PKD2: variants seen among roughly 807,000 people sequenced by gnomAD.
PKD2 encodes polycystin-2.
In PKD2, 48 loss-of-function variants were observed where a neutral mutation model predicts 105.9. The observed-to-expected ratio is 0.45, with a 90% CI of 0.36 to 0.58. The LOEUF (loss-of-function observed/expected upper bound fraction) is 0.58, where lower values mean the gene tolerates loss of function less well. Ranked by LOEUF, PKD2 falls within the 20% of genes least tolerant of loss-of-function variation. The probability of loss-of-function intolerance (pLI) is 0.00; values close to 1 mark genes in which losing one functional copy is unlikely to be tolerated. For synonymous variants in PKD2, 464 were observed against 481.1 expected (o/e 0.96, Z 0.46); for missense variants, 1,078 against 1,255.3 (o/e 0.86, Z 2.13).
rs151313332 is a variant in PKD2 at position 88,015,030 on chromosome 4, C to T, written c.596-4428C>T. 6.0e-4 allele frequency among the ~76,000 whole-genome samples: 91 copies of T among 152,310 alleles called. No individual in the cohort carries two copies. The East Asian group carries it at 0.015, about 25-fold the overall frequency. On this transcript the variant is annotated intron_variant, in intron 1 of 14. Transcript: ENST00000237596. ...CATTTGACTCCAGAGCCCTATGTTG[C>T]ACCATGCCTTGATAATAGGCCATAT... is the stretch of plus-strand genomic sequence containing the variant.
intron 2 of PKD2, among the ~76,000 whole-genome samples, chr4:88,027,416 C>T (rs1726996235): frequency 6.6e-6 from 1 of 152,140 alleles, no homozygotes; most frequent in African/African-American, 2.4e-5. Flanking sequence ...GCCAATTTCT[C>T]CTATTTGGAA....
At chr4:88,013,217 G>A (rs1578114622) in intron 1 of PKD2, among the ~76,000 whole-genome samples, 1 of 152,208 alleles carries the variant, frequency 6.6e-6, no homozygotes. Context: ...TACCCTTTGG[G>A]GTTGTGGTAA....
intron 5 of PKD2, among the ~76,000 whole-genome samples, chr4:88,046,432 C>T (rs1430195216): frequency 6.6e-6 from 1 of 152,022 alleles, no homozygotes; most frequent in Non-Finnish European, 1.5e-5. Context: ...GACTGAAAGA[C>T]CTCAGGAAGT....
rs1301642445 is a variant in PKD2, at chr4:88,043,139, A to C, written c.1095-94A>C. On this transcript the variant is annotated intron_variant, in intron 4 of 14. Transcript: ENST00000237596. ...TACCCAGCTTGATAGGCCTTAATAC[A>C]TACTTTATTTTACAAGGAACCAGCT... The C allele has an allele frequency of 7.4e-6, 6 of 812,730 alleles. No individual in the cohort carries two copies. In the East Asian group the frequency reaches 1.3e-4, roughly 18 times the overall value. 50.3% of individuals were successfully genotyped at this position (812,730 alleles called of 1,614,324 possible). A position where few individuals can be genotyped will look rare whatever the true frequency, so the allele number is the denominator to read the frequency against.
At chr4:88,057,502 C>G (rs1201131264) in intron 8 of PKD2, among the ~76,000 whole-genome samples, 1 of 143,366 alleles carries the variant, frequency 7.0e-6, no homozygotes, top group Non-Finnish European at 1.5e-5. Context: ...GCGGTGTAAT[C>G]TCAGCTCACT....
chr4:88,068,699 T>C (rs1720888129), intron 13 of PKD2, among the ~76,000 whole-genome samples: 1 of 152,222 alleles, frequency 6.6e-6, no homozygotes. Context: ...TCCTTGTGCA[T>C]TTGAGAAGAA....
intron 7 of PKD2, among the ~76,000 whole-genome samples, chr4:88,052,605 A>ATGTGACAG (rs1491291233): frequency 5.3e-5 from 8 of 152,110 alleles, no homozygotes; most frequent in Admixed American, 4.6e-4. Context: ...ATTGAGACTC[A>ATGTGACAG]TGTGATCATT....
At position 88,008,228 on chromosome 4, in the gene PKD2, C is replaced by A; in HGVS notation, c.495C>A (p.Pro165=). ...RRREDQGPPC[P]SPVGGGDPLH... ...GAGAGGACCAGGGCCCGCCGTGCCCCAGCCCAGTCGGCGGCGGGGACCCGC... is the reference window on the plus strand; with the variant it reads ...GAGAGGACCAGGGCCCGCCGTGCCCAAGCCCAGTCGGCGGCGGGGACCCGC... The change falls in exon 1 of 15, where the codon CCC becomes CCA. Residue 165 remains proline, a synonymous_variant. Coordinates refer to ENST00000237596, the MANE Select transcript of PKD2 (RefSeq NM_000297.4). 6.9e-7 allele frequency: 1 copy of A among 1,439,210 alleles called. No homozygotes were observed. Among genetic ancestry groups the A allele is most frequent in the Non-Finnish European group, 9.1e-7 (1 of 1,100,162 alleles). 89.2% of individuals were successfully genotyped at this position (1,439,210 alleles called of 1,614,324 possible). A position where few individuals can be genotyped will look rare whatever the true frequency, so the allele number is the denominator to read the frequency against.
chr4:88,069,891 C>G (rs1204324136), intron 13 of PKD2, among the ~76,000 whole-genome samples: 1 of 152,044 alleles, frequency 6.6e-6, no homozygotes, highest in Non-Finnish European at 1.5e-5. Flanking sequence ...TATTATAGAC[C>G]TTCAGATCCA....
chr4:88,043,205 T>G, intron 4 of PKD2, 28 bp from the exon 5 acceptor site: 1 of 1,395,930 alleles, frequency 7.2e-7, no homozygotes. Flanking sequence ...ATTGTAACTG[T>G]TTGTTTTTTG....
chr4:88,048,800 C>T (rs544976964), intron 6 of PKD2, among the ~76,000 whole-genome samples: 1 of 152,212 alleles, frequency 6.6e-6, no homozygotes, highest in East Asian at 1.9e-4. Context: ...TAATAATGAA[C>T]AGAGTTACAC....
chr4:88,066,266 A>G (rs76419838), intron 12 of PKD2, among the ~76,000 whole-genome samples: 2,154 of 152,276 alleles, frequency 0.014, 58 homozygotes, highest in African/African-American at 0.049. Context: ...CAGAGTCCAC[A>G]ATGTCCGTGA....
At chr4:88,030,989 G>A (rs1292615902) in intron 2 of PKD2, among the ~76,000 whole-genome samples, 1 of 152,158 alleles carries the variant, frequency 6.6e-6, no homozygotes, top group East Asian at 1.9e-4. Context: ...ACTTACGATG[G>A]TTCGATTTAT....
chr4:88,023,640 GTTAA>G (rs902361858), intron 2 of PKD2, among the ~76,000 whole-genome samples: 2 of 152,102 alleles, frequency 1.3e-5, no homozygotes, highest in Admixed American at 6.6e-5. Flanking sequence ...ATGTGGGCAA[GTTAA>G]TTAACATTTC....
At chr4:88,032,575 TG>T (rs1296335397) in intron 2 of PKD2, among the ~76,000 whole-genome samples, 2 of 152,236 alleles carry the variant, frequency 1.3e-5, no homozygotes, top group Non-Finnish European at 2.9e-5. Flanking sequence ...TATGTACAGA[TG>T]TATGTGTCCT....
intron 12 of PKD2, 61 bp from the exon 13 acceptor site, chr4:88,067,837 G>C (rs1253649522): frequency 6.8e-7 from 1 of 1,480,954 alleles, no homozygotes. Context: ...CCAAGTCCTT[G>C]GTGAGGCTTC....
rs1208947229 is a variant in PKD2, at chr4:88,036,271, C to T, written c.761C>T (p.Ser254Leu). ...GTGTACTACTACACCCGGATGATGT[C>T]ACAGCTCTTCCTAGACACCCCCGTG... ...SNVYYYTRMM[S>L]QLFLDTPVSK... Residue 254 changes from serine (S) to leucine (L), a missense_variant, in exon 3 of 15, where the codon TCA (serine) becomes TTA (leucine). Coordinates refer to ENST00000237596, the MANE Select transcript of PKD2 (RefSeq NM_000297.4). The T allele has an allele frequency of 6.2e-7, 1 of 1,613,928 alleles. No homozygotes were observed. The highest frequency in any genetic ancestry group is 8.5e-7 in the Non-Finnish European group (1 of 1,179,828).
chr4:88,010,018 A>G (rs950047673), intron 1 of PKD2, among the ~76,000 whole-genome samples: 6 of 152,198 alleles, frequency 3.9e-5, no homozygotes, highest in African/African-American at 1.4e-4. Flanking sequence ...AAAATGAATA[A>G]GCTCATAGTC....
rs756095947 is a variant in PKD2, at chr4:88,036,225, T to A, written c.715T>A (p.Tyr239Asn). 6.2e-7 allele frequency: 1 copy of A among 1,613,778 alleles called. No homozygotes were observed. Among genetic ancestry groups the A allele is most frequent in the Admixed American group, 1.7e-5 (1 of 60,014 alleles). ...TGGATCTTTCTGTGTTCCAGTGACC[T>A]ACGGCATGATGAGCTCCAATGTGTA... ...LFLIVLCILT[Y>N]GMMSSNVYYY... Residue 239 changes from tyrosine to asparagine, a missense_variant, in exon 3 of 15, where the codon TAC becomes AAC. Transcript: ENST00000237596.
Sources: gnomAD v4.1 joint callset for allele counts (sites outside exome capture counted in the v4.1 genomes callset) on GRCh38, gnomAD v4.1.1 for gene constraint, MANE v1.5 for transcripts, NCBI Gene and HGNC (gene_info 2026-07-23, HGNC 2026-07-21) for gene names.